Variants in DEPDC1 observed in about 807,000 individuals in gnomAD.
DEPDC1 encodes DEP domain containing 1.
In DEPDC1, 66 loss-of-function variants were observed where a neutral mutation model predicts 86.8. The ratio of observed to expected loss-of-function variants is 0.76; its 90% CI spans 0.62 to 0.93. The LOEUF (loss-of-function observed/expected upper bound fraction) is 0.93. Among genes scored for constraint, DEPDC1 ranks in the 40% least tolerant of loss-of-function variants. DEPDC1 has a pLI of 0.00. For missense variants in DEPDC1, 792 were observed against 935.7 expected, an observed-to-expected ratio of 0.85 and a Z score of 2.00; for synonymous variants, 255 against 314.9, an observed-to-expected ratio of 0.81 and a Z score of 2.02.
At chr1:68,488,339 G>A in intron 5 of DEPDC1, 35 bp downstream of exon 5, 2 of 1,548,180 alleles carry the variant, frequency 1.3e-6, no homozygotes, top group Non-Finnish European at 1.7e-6. Context: ...TTGTTGGCAA[G>A]TTTTTAAAAG....
At position 68,482,531 on chromosome 1, in the gene DEPDC1, A is replaced by C. The variant is rs1165465511; in HGVS notation, c.1277T>G (p.Ile426Ser). Residue 426 changes from isoleucine (I) to serine (S), a missense_variant, in exon 8 of 12, where the codon ATT becomes AGT. Physicochemically the swap from Ile to Ser is moderately radical, Grantham distance 142. Transcript: ENST00000456315. The stretch of plus-strand genomic sequence containing the variant: ...ACTTGAATTCCCTGGCACATCTACA[A>C]TTCCTTCCAAAGAACAGCACCTTGG... The part of the protein sequence containing the change: ...SKPRCCSLEG[I>S]VDVPGNSSKE... 1 of 1,613,172 alleles carries C rather than the reference A, an allele frequency of 6.2e-7. No homozygotes were observed. The highest frequency in any genetic ancestry group is 2.2e-5 in the East Asian group (1 of 44,840).
Position 68,482,874 on chromosome 1 carries a change from A to C in DEPDC1, c.934T>G (p.Ser312Ala), listed in dbSNP as rs1369153098. The change falls in exon 8 of 12, where the codon TCA becomes GCA. Residue 312 changes from serine (S) to alanine (A), a missense_variant. Transcript: ENST00000456315. ...TTATGTATCCCACTGGATCTATCTG[A>C]AACTGTGATGTAGCCACAAACAACT... is the stretch of plus-strand genomic sequence containing the variant. Reference protein sequence around the residue: ...ILVVCGYITVSDRSSGIHKIQ... With the variant: ...ILVVCGYITVADRSSGIHKIQ... The C allele has an allele frequency of 5.1e-6, 8 of 1,579,940 alleles. No individual in the cohort carries two copies. The highest frequency in any genetic ancestry group is 6.9e-6 in the Non-Finnish European group (8 of 1,165,090).
intron 6 of DEPDC1, among the ~76,000 whole-genome samples, chr1:68,486,632 T>G (rs1237871182): frequency 6.6e-6 from 1 of 151,858 alleles, no homozygotes; most frequent in Admixed American, 6.6e-5. Flanking sequence ...ACTGAGGCAA[T>G]TAGTGTGGAT....
chr1:68,488,488 C>G lies in DEPDC1; in HGVS notation c.607G>C (p.Gly203Arg). Residue 203 changes from glycine to arginine, a missense_variant, in exon 5 of 12, where the codon GGT becomes CGT. Coordinates refer to ENST00000456315, the MANE Select transcript of DEPDC1 (RefSeq NM_001114120.3). ...VILIYLQTIL[G>R]VPSLEEVINP... ...ATGACTTCTTCTAGGGATGGCACAC[C>G]TAAAATGGTTTGCAGGCTAAATAGA... 1 of 1,604,276 alleles carries G rather than the reference C, an allele frequency of 6.2e-7. No individual in the cohort carries two copies. The highest frequency in any genetic ancestry group is 8.5e-7 in the Non-Finnish European group (1 of 1,176,426).
chr1:68,479,102 C>G, intron 10 of DEPDC1, 42 bp downstream of exon 10: 2 of 1,532,196 alleles, frequency 1.3e-6, no homozygotes, highest in Non-Finnish European at 1.8e-6. Context: ...TTGCCACTTG[C>G]AACTGACTAT....
rs1204377186 is a variant in DEPDC1 at position 68,475,046 on chromosome 1, A to G, written c.*1886T>C. ...GACACTGTGCTAACACTTTACATGC[A>G]TTATCCTGCTTAATCCTCGCAATCC... On this transcript the variant is annotated 3_prime_UTR_variant, in exon 12 of 12. Transcript: ENST00000456315. The G allele has an allele frequency of 6.6e-6, 1 of 152,008 alleles. No homozygotes were observed. The highest frequency in any genetic ancestry group is 2.4e-5 in the African/African-American group (1 of 41,430). The allele number at this position is 152,008 out of a possible 1,614,324, so 9.4% of individuals were successfully genotyped here.
intron 2 of DEPDC1, among the ~76,000 whole-genome samples, 153 bp from the exon 3 acceptor site, chr1:68,489,761 TA>T (rs35268401): frequency 0.13 from 19,088 of 151,628 alleles, 1,291 homozygotes; most frequent in Non-Finnish European, 0.15. Flanking sequence ...ATTAAACCTT[TA>T]AAAAAAATAG....
At position 68,474,579 on chromosome 1, in the gene DEPDC1, T is replaced by C. The variant is rs193222816; in HGVS notation, c.*2353A>G. ...TTCCCACAATTAGGCTTTTTCACAC[T>C]TTCTCTCTTTAAATGTGCAACACCT... On this transcript the variant is annotated 3_prime_UTR_variant, in exon 12 of 12. Coordinates refer to ENST00000456315, the MANE Select transcript of DEPDC1 (RefSeq NM_001114120.3). The C allele has an allele frequency of 6.6e-6, 1 of 152,062 alleles. No homozygotes were observed. The highest frequency in any genetic ancestry group is 6.6e-5 in the Admixed American group (1 of 15,252). 9.4% of individuals were successfully genotyped at this position (152,062 alleles called of 1,614,324 possible).
intron 5 of DEPDC1, 108 bp from the exon 6 acceptor site, chr1:68,487,092 AT>A: frequency 1.1e-6 from 1 of 903,366 alleles, no homozygotes; most frequent in Non-Finnish European, 1.6e-6. Context: ...ACACATACAC[AT>A]ACATGTTACA....
At chr1:68,489,825 T>C (rs1330868310) in intron 2 of DEPDC1, among the ~76,000 whole-genome samples, 1 of 152,038 alleles carries the variant, frequency 6.6e-6, no homozygotes, top group Non-Finnish European at 1.5e-5. Context: ...TTCTGGATAA[T>C]TCAGGGTTAT....
rs1646103138 is a variant in DEPDC1, at chr1:68,474,713, T to G, written c.*2219A>C. 1 of 152,056 alleles carries G rather than the reference T, an allele frequency of 6.6e-6. No individual in the cohort carries two copies. The highest frequency in any genetic ancestry group is 2.4e-5 in the African/African-American group (1 of 41,432). 9.4% of individuals were successfully genotyped at this position (152,056 alleles called of 1,614,324 possible). ...TCATCTATATTTGAACTTAAAGATC[T>G]TTATGTTAGAATGGAATCTATCCAT... On this transcript the variant is annotated 3_prime_UTR_variant, in exon 12 of 12. Transcript: ENST00000456315.
intron 10 of DEPDC1, among the ~76,000 whole-genome samples, chr1:68,478,652 CTTCTT>C (rs1646133066): frequency 6.6e-6 from 1 of 151,936 alleles, no homozygotes; most frequent in African/African-American, 2.4e-5. Context: ...TCCTTCTCTC[CTTCTT>C]TTAATAGTTC....
intron 1 of DEPDC1, among the ~76,000 whole-genome samples, chr1:68,495,318 A>G (rs1389794814): frequency 6.6e-6 from 1 of 152,206 alleles, no homozygotes; most frequent in Non-Finnish European, 1.5e-5. Flanking sequence ...TACAATCAAT[A>G]GAGAAAACAT....
Position 68,494,414 on chromosome 1 carries a change from C to T in DEPDC1, c.314+16G>A. On this transcript the variant is annotated intron_variant, in intron 2 of 11. Coordinates refer to ENST00000456315, the MANE Select transcript of DEPDC1 (RefSeq NM_001114120.3). ...TTACAGTAATTCAGTTTTACAGTTA[C>T]ATATCTGTTCATTACCTGAAGAGCT... 1 of 1,605,426 alleles carries T rather than the reference C, an allele frequency of 6.2e-7. No individual in the cohort carries two copies. Among genetic ancestry groups the T allele is most frequent in the Non-Finnish European group, 8.5e-7 (1 of 1,174,190 alleles).
intron 6 of DEPDC1, among the ~76,000 whole-genome samples, chr1:68,485,547 T>C (rs1646187679): frequency 6.6e-6 from 1 of 152,072 alleles, no homozygotes; most frequent in Admixed American, 6.6e-5. Context: ...CAGTAAGTTA[T>C]ATAATTGGTA....
chr1:68,495,337 G>A (rs963387640), intron 1 of DEPDC1, among the ~76,000 whole-genome samples: 1 of 151,978 alleles, frequency 6.6e-6, no homozygotes, highest in Admixed American at 6.6e-5. Flanking sequence ...ATTCATCCCT[G>A]TTTTTTACCT....
rs911936177 is a variant in DEPDC1, at chr1:68,475,708, A to C, written c.*1224T>G. Reference sequence around the variant, plus strand: ...CTTCAAGTTTGTACCAAGTCAATCAAGCAGAAACCTGAAGAACCTTGTTTT... The same window carrying C: ...CTTCAAGTTTGTACCAAGTCAATCACGCAGAAACCTGAAGAACCTTGTTTT... On this transcript the variant is annotated 3_prime_UTR_variant, in exon 12 of 12. Coordinates refer to ENST00000456315, the MANE Select transcript of DEPDC1 (RefSeq NM_001114120.3). 6 of 151,900 alleles carry C rather than the reference A, an allele frequency of 3.9e-5. No homozygotes were observed. Among genetic ancestry groups the C allele is most frequent in the Admixed American group, 3.9e-4 (6 of 15,212 alleles). The allele number at this position is 151,900 out of a possible 1,614,324, so 9.4% of individuals were successfully genotyped here.
intron 2 of DEPDC1, among the ~76,000 whole-genome samples, chr1:68,492,119 T>C (rs1327741242): frequency 6.6e-6 from 1 of 152,110 alleles, no homozygotes; most frequent in Admixed American, 6.5e-5. Context: ...CCTCAGAAGT[T>C]TGACCTTGGT....
At chr1:68,490,799 G>A (rs1646224524) in intron 2 of DEPDC1, among the ~76,000 whole-genome samples, 1 of 152,088 alleles carries the variant, frequency 6.6e-6, no homozygotes, top group Non-Finnish European at 1.5e-5. Flanking sequence ...CAGGCCTGTA[G>A]TAACCAAAAC....
Sources: gnomAD v4.1 joint callset for allele counts (sites outside exome capture counted in the v4.1 genomes callset) on GRCh38, gnomAD v4.1.1 for gene constraint, MANE v1.5 for transcripts, NCBI Gene and HGNC (gene_info 2026-07-23, HGNC 2026-07-21) for gene names.